Variants in GSE1 observed in about 807,000 individuals in gnomAD.
The protein encoded by GSE1 is genetic suppressor element 1.
In GSE1, 32 loss-of-function variants were observed where a neutral mutation model predicts 112.6. The observed-to-expected ratio is 0.28, with a 90% CI of 0.21 to 0.38. The LOEUF is 0.38. GSE1 is among the 10% of genes least tolerant of loss of function. The pLI is 1.00. For synonymous variants in GSE1, 1,115 were observed against 735.6 expected, an observed-to-expected ratio of 1.52 and a Z score of -8.35; for missense variants, 2,348 against 1,699.2, an observed-to-expected ratio of 1.38 and a Z score of -6.71.
chr16:85,253,517 C>T (rs1395732161), intron 1 of GSE1, among the ~76,000 whole-genome samples: 2 of 152,192 alleles, frequency 1.3e-5, no homozygotes, highest in Non-Finnish European at 2.9e-5. Context: ...GGAGTCCCTC[C>T]TGTAGGCTGG....
intron 2 of GSE1, among the ~76,000 whole-genome samples, chr16:85,546,896 G>A (rs927208986): frequency 1.3e-5 from 2 of 152,210 alleles, no homozygotes; most frequent in Non-Finnish European, 2.9e-5. Flanking sequence ...GAAGGCTGGC[G>A]GGCCACTTCC....
At chr16:85,435,675 C>T (rs946533098) in intron 2 of GSE1, among the ~76,000 whole-genome samples, 12 of 151,646 alleles carry the variant, frequency 7.9e-5, no homozygotes, top group East Asian at 3.9e-4. Flanking sequence ...GAGGGAGAGA[C>T]GGTGTAGGAT....
intron 2 of GSE1, among the ~76,000 whole-genome samples, chr16:85,432,656 C>A (rs191050746): frequency 6.6e-6 from 1 of 152,358 alleles, no homozygotes; most frequent in African/African-American, 2.4e-5. Flanking sequence ...CCTCTTCCCC[C>A]ATTTCTAATG....
upstream of GSE1, among the ~76,000 whole-genome samples, chr16:85,610,507 C>A (rs921054270): frequency 6.6e-6 from 1 of 152,244 alleles, no homozygotes; most frequent in African/African-American, 2.4e-5. Context: ...TAGCGAGGAG[C>A]GCGCCGGCTG....
At chr16:85,631,944 G>T (rs1404567860) in intron 1 of GSE1, among the ~76,000 whole-genome samples, 1 of 152,282 alleles carries the variant, frequency 6.6e-6, no homozygotes, top group African/African-American at 2.4e-5. Flanking sequence ...GCAGAGGCCA[G>T]GCCCGCCTTG....
exon 1 of GSE1, chr16:85,169,804 C>T (rs2074329142): frequency 1.0e-6 from 1 of 984,278 alleles, no homozygotes. Flanking sequence ...CCGCTGCTTC[C>T]TGGGCGAGCA....
At chr16:85,246,745 G>GTGCC (rs1208694348) in intron 1 of GSE1, among the ~76,000 whole-genome samples, 1 of 152,018 alleles carries the variant, frequency 6.6e-6, no homozygotes, top group African/African-American at 2.4e-5. Context: ...CAAAGGCACT[G>GTGCC]TGCCTGGAAG....
chr16:85,663,294 C>CAT, intron 10 of GSE1, 50 bp from the exon 11 acceptor site: 2 of 1,596,144 alleles, frequency 1.3e-6, no homozygotes, highest in Non-Finnish European at 1.7e-6. Flanking sequence ...ACAGTGCAAG[C>CAT]ATACCACTGC....
At chr16:85,262,937 G>A (rs1320749237) in intron 1 of GSE1, among the ~76,000 whole-genome samples, 1 of 152,236 alleles carries the variant, frequency 6.6e-6, no homozygotes, top group African/African-American at 2.4e-5. Context: ...AGAGGATAGA[G>A]CAGTGGACAA....
intron 1 of GSE1, among the ~76,000 whole-genome samples, chr16:85,604,071 G>A (rs1241837076): frequency 5.3e-5 from 8 of 152,156 alleles, no homozygotes; most frequent in African/African-American, 1.9e-4. Flanking sequence ...ATGAGGGAAG[G>A]CAAAGAGGGA....
At chr16:85,356,587 C>T (rs545359668) in intron 1 of GSE1, among the ~76,000 whole-genome samples, 5 of 152,226 alleles carry the variant, frequency 3.3e-5, no homozygotes, top group Admixed American at 6.5e-5. Context: ...AACCAGGTGC[C>T]GCCCCACCTG....
intron 1 of GSE1, among the ~76,000 whole-genome samples, chr16:85,351,227 C>T (rs2046844484): frequency 6.6e-6 from 1 of 152,208 alleles, no homozygotes. Context: ...CATGAACAGC[C>T]AACCAGTTCC....
At chr16:85,242,613 G>A (rs958439342) in intron 1 of GSE1, among the ~76,000 whole-genome samples, 1 of 152,224 alleles carries the variant, frequency 6.6e-6, no homozygotes, top group Non-Finnish European at 1.5e-5. Flanking sequence ...TGAGGGAGCA[G>A]CCCCTGCCCA....
intron 2 of GSE1, among the ~76,000 whole-genome samples, chr16:85,379,027 C>T (rs2047486424): frequency 6.6e-6 from 1 of 152,206 alleles, no homozygotes; most frequent in Non-Finnish European, 1.5e-5. Flanking sequence ...CACCTATCGC[C>T]TGCACCATGC....
chr16:85,303,385 G>T (rs116563745), intron 1 of GSE1, among the ~76,000 whole-genome samples: 244 of 152,350 alleles, frequency 1.6e-3, no homozygotes, highest in African/African-American at 5.7e-3. Context: ...CCAGAAAGGA[G>T]GTCTGTGGTT....
At chr16:85,453,475 T>G (rs752713992) in intron 2 of GSE1, among the ~76,000 whole-genome samples, 16 of 151,986 alleles carry the variant, frequency 1.1e-4, no homozygotes, top group Admixed American at 3.9e-4. Flanking sequence ...GGGGGCTGGG[T>G]CCCAGCTTAG....
rs141208120 is a variant in GSE1, at chr16:85,262,895, A to C, written c.2283+91088A>C. Among the ~76,000 whole-genome samples the C allele has an allele frequency of 3.9e-3, 596 of 152,330 alleles. 5 individuals are homozygous for C. The highest frequency in any genetic ancestry group is 0.014 in the African/African-American group (571 of 41,562). On this transcript the variant is annotated intron_variant, in intron 1 of 2. Transcript: ENST00000637419. ...TTCTGCAATTCAGTGTTAATTGACT[A>C]CCGACTGTATGCCAGGCCCCGTTCT... is the stretch of plus-strand genomic sequence containing the variant.
intron 1 of GSE1, among the ~76,000 whole-genome samples, chr16:85,180,870 C>T (rs1347506711): frequency 1.3e-5 from 2 of 152,188 alleles, no homozygotes; most frequent in Admixed American, 6.5e-5. Flanking sequence ...AGAAAAGCTT[C>T]CTCTTCTGGA....
chr16:85,326,215 C>T (rs574052070), intron 1 of GSE1, among the ~76,000 whole-genome samples: 7 of 152,030 alleles, frequency 4.6e-5, no homozygotes, highest in African/African-American at 1.2e-4. Context: ...CTGGGAGGGG[C>T]GGTTAAGCCT....
Sources: gnomAD v4.1 joint callset for allele counts (sites outside exome capture counted in the v4.1 genomes callset) on GRCh38, gnomAD v4.1.1 for gene constraint, MANE v1.5 for transcripts, NCBI Gene and HGNC (gene_info 2026-07-23, HGNC 2026-07-21) for gene names.